CDH12: variants seen among roughly 807,000 people sequenced by gnomAD.
CDH12 encodes the protein cadherin 12.
A neutral mutation model predicts 74.1 loss-of-function variants in CDH12; 41 were observed. The ratio of observed to expected loss-of-function variants is 0.55; its 90% CI spans 0.43 to 0.72. CDH12 has a LOEUF of 0.72. CDH12 is among the 30% of genes least tolerant of loss of function. CDH12 has a pLI of 0.00. For synonymous variants in CDH12, 399 were observed against 355.0 expected (o/e 1.12, Z -1.39); for missense variants, 945 against 977.2 (o/e 0.97, Z 0.44).
At chr5:22,740,497 T>A (rs953942187) in intron 1 of CDH12, among the ~76,000 whole-genome samples, 2 of 152,050 alleles carry the variant, frequency 1.3e-5, no homozygotes, top group African/African-American at 4.8e-5. Flanking sequence ...CCACTATATC[T>A]ACGGTAATGA....
At chr5:21,755,494 T>G in intron 14 of CDH12, 97 bp downstream of exon 14, 1 of 1,080,210 alleles carries the variant, frequency 9.3e-7, no homozygotes, top group Non-Finnish European at 1.3e-6. Flanking sequence ...AAAAACTTGT[T>G]TACATGATAA....
chr5:22,284,488 C>T (rs1355160143), intron 3 of CDH12, among the ~76,000 whole-genome samples: 1 of 152,088 alleles, frequency 6.6e-6, no homozygotes, highest in African/African-American at 2.4e-5. Flanking sequence ...GCAAGGGTAC[C>T]AGTTTCTACC....
intron 5 of CDH12, among the ~76,000 whole-genome samples, chr5:22,055,938 A>G (rs1211121569): frequency 6.6e-6 from 1 of 152,142 alleles, no homozygotes; most frequent in Non-Finnish European, 1.5e-5. Flanking sequence ...ATAAAAATAC[A>G]TAGTCATAAA....
chr5:21,779,771 G>A (rs758778539), intron 11 of CDH12, among the ~76,000 whole-genome samples: 20 of 152,072 alleles, frequency 1.3e-4, no homozygotes, highest in Non-Finnish European at 1.8e-4. Flanking sequence ...ATTTATTCAC[G>A]GTGATGATAT....
chr5:21,781,521 C>T (rs541628381), intron 11 of CDH12, among the ~76,000 whole-genome samples: 4 of 151,966 alleles, frequency 2.6e-5, no homozygotes, highest in South Asian at 2.1e-4. Context: ...GTCAGGAGTT[C>T]GAGATCAGCA....
intron 4 of CDH12, among the ~76,000 whole-genome samples, chr5:22,104,362 G>A (rs1744311475): frequency 1.3e-5 from 2 of 151,992 alleles, no homozygotes; most frequent in African/African-American, 4.8e-5. Flanking sequence ...CCACTTTTGT[G>A]TGTTAAACAG....
intron 5 of CDH12, among the ~76,000 whole-genome samples, chr5:22,022,016 T>C (rs1288485335): frequency 6.6e-6 from 1 of 152,154 alleles, no homozygotes; most frequent in Non-Finnish European, 1.5e-5. Context: ...TTAAAATTTT[T>C]TGTAGAGACA....
At chr5:22,340,557 C>G (rs750430582) in intron 3 of CDH12, among the ~76,000 whole-genome samples, 1 of 151,596 alleles carries the variant, frequency 6.6e-6, no homozygotes, top group East Asian at 1.9e-4. Flanking sequence ...TTTTCAAACT[C>G]TAGTGATTTT....
chr5:22,453,384 C>T (rs1215261134), intron 2 of CDH12, among the ~76,000 whole-genome samples: 1 of 152,022 alleles, frequency 6.6e-6, no homozygotes, highest in African/African-American at 2.4e-5. Flanking sequence ...TGTATACGCA[C>T]AATGGAATGC....
intron 1 of CDH12, among the ~76,000 whole-genome samples, chr5:22,564,877 A>AT (rs1739218817): frequency 6.6e-6 from 1 of 152,202 alleles, no homozygotes; most frequent in African/African-American, 2.4e-5. Context: ...GGGAGTGCAG[A>AT]TATCTCTTCT....
Position 22,150,592 on chromosome 5 carries a change from C to T in CDH12, c.-187+61906G>A, listed in dbSNP as rs374818526. On this transcript the variant is annotated intron_variant, in intron 4 of 14. Transcript: ENST00000382254. ...ATGTATAGCTATGCTGAACATTTGG[C>T]TATCAGATAAAACTGTAGCTTTACA... Among the ~76,000 whole-genome samples, 26 of 152,006 alleles carry T rather than the reference C, an allele frequency of 1.7e-4. No homozygotes were observed. The East Asian group carries it at 2.5e-3, about 15-fold the overall frequency.
intron 1 of CDH12, among the ~76,000 whole-genome samples, chr5:22,525,007 T>C (rs1365123605): frequency 7.0e-6 from 1 of 143,288 alleles, no homozygotes; most frequent in Non-Finnish European, 1.5e-5. Flanking sequence ...CCCCTTCCTG[T>C]GTCCATGTGT....
rs563558726 is a variant in CDH12 at position 22,411,930 on chromosome 5, G to GT, written c.-427-6580dup. Among the ~76,000 whole-genome samples the GT allele has an allele frequency of 1.7e-3, 266 of 152,070 alleles. 1 individual carries two copies. The highest frequency in any genetic ancestry group is 6.1e-3 in the African/African-American group (252 of 41,532). ...TTAATTCTGTTTTCTCAGTTGTAATGTTTTGGTTTTCTTCTCTAAAGGCAT... is the reference window on the plus strand; with the variant it reads ...TTAATTCTGTTTTCTCAGTTGTAATGTTTTTGGTTTTCTTCTCTAAAGGCAT... On this transcript the variant is annotated intron_variant, in intron 2 of 14. Coordinates refer to ENST00000382254, the MANE Select transcript of CDH12 (RefSeq NM_004061.5).
At chr5:22,739,465 G>C (rs567553992) in intron 1 of CDH12, among the ~76,000 whole-genome samples, 1 of 151,878 alleles carries the variant, frequency 6.6e-6, no homozygotes, top group Non-Finnish European at 1.5e-5. Flanking sequence ...AATATTTTAG[G>C]AGAAGACTAA....
chr5:22,101,062 G>A (rs1173993725), intron 4 of CDH12, among the ~76,000 whole-genome samples: 2 of 151,772 alleles, frequency 1.3e-5, no homozygotes, highest in Non-Finnish European at 2.9e-5. Context: ...ACAAAAACCA[G>A]ATATTACCTG....
intron 6 of CDH12, among the ~76,000 whole-genome samples, chr5:21,867,027 C>T (rs1751363515): frequency 1.3e-5 from 2 of 152,146 alleles, no homozygotes; most frequent in Admixed American, 6.6e-5. Flanking sequence ...GCAGCATTCA[C>T]ATGGTATTGA....
chr5:21,811,927 A>T (rs1747768145), intron 9 of CDH12, among the ~76,000 whole-genome samples: 1 of 152,046 alleles, frequency 6.6e-6, no homozygotes, highest in Admixed American at 6.6e-5. Context: ...AAAGTGAATC[A>T]AAGTTAAGGT....
intron 6 of CDH12, among the ~76,000 whole-genome samples, chr5:21,919,002 C>T (rs903955531): frequency 2.6e-5 from 4 of 152,026 alleles, no homozygotes; most frequent in Non-Finnish European, 5.9e-5. Context: ...CAACTTGTTG[C>T]CTACAAGTAA....
At chr5:22,669,679 C>A (rs1740805706) in intron 1 of CDH12, among the ~76,000 whole-genome samples, 1 of 152,170 alleles carries the variant, frequency 6.6e-6, no homozygotes, top group African/African-American at 2.4e-5. Flanking sequence ...AGATTTCATA[C>A]CGTGGAACTA....
Sources: allele counts gnomAD v4.1 joint callset (sites outside exome capture counted in the v4.1 genomes callset), GRCh38; gene constraint gnomAD v4.1.1; transcripts MANE v1.5; gene names NCBI Gene and HGNC (gene_info 2026-07-23, HGNC 2026-07-21).